Variants in CTNNA3 observed in about 807,000 individuals in gnomAD.
CTNNA3 encodes catenin alpha 3, also known as catenin alpha-3.
CTNNA3 carries 76 observed loss-of-function variants against 95.7 expected under a neutral mutation model. The ratio of observed to expected loss-of-function variants is 0.79; its 90% CI spans 0.66 to 0.96. CTNNA3 has a LOEUF of 0.96. Ranked by LOEUF, CTNNA3 falls within the 40% of genes least tolerant of loss-of-function variation. The pLI is 0.00. For missense variants in CTNNA3, 1,191 were observed against 1,089.8 expected (o/e 1.09, Z -1.31); for synonymous variants, 431 against 374.4 (o/e 1.15, Z -1.74).
rs1270920235 is a variant in CTNNA3 at position 66,593,170 on chromosome 10, A to G, written c.1374+28522T>C. Among the ~76,000 whole-genome samples the G allele has an allele frequency of 2.0e-5, 3 of 152,276 alleles. No individual in the cohort carries two copies. The East Asian group carries it at 5.8e-4, about 29-fold the overall frequency. ...GAATTTATTAGAAAAGCCAATTCAT[A>G]GGATCTTGCTTAGACATACTGAATT... On this transcript the variant is annotated intron_variant, in intron 10 of 17. Coordinates refer to ENST00000433211, the MANE Select transcript of CTNNA3 (RefSeq NM_013266.4).
intron 11 of CTNNA3, among the ~76,000 whole-genome samples, chr10:66,461,864 G>A (rs912113145): frequency 2.0e-5 from 3 of 148,822 alleles, no homozygotes; most frequent in African/African-American, 7.5e-5. Context: ...CCAGGCTGGA[G>A]TACAGTGGTG....
chr10:66,899,402 T>C (rs960583879), intron 7 of CTNNA3, among the ~76,000 whole-genome samples: 1 of 152,160 alleles, frequency 6.6e-6, no homozygotes, highest in African/African-American at 2.4e-5. Flanking sequence ...GTTTCCAAGA[T>C]GGCCAAATAG....
chr10:66,129,156 C>T (rs1004633702), intron 13 of CTNNA3, among the ~76,000 whole-genome samples: 5 of 152,016 alleles, frequency 3.3e-5, no homozygotes, highest in East Asian at 1.9e-4. Context: ...CCCAGCTACT[C>T]GGGAGGCTGA....
chr10:66,898,615 T>A (rs2132516637), intron 7 of CTNNA3, among the ~76,000 whole-genome samples: 1 of 152,268 alleles, frequency 6.6e-6, no homozygotes, highest in East Asian at 1.9e-4. Context: ...CAACAAATAA[T>A]GTTGAGGAAA....
intron 5 of CTNNA3, among the ~76,000 whole-genome samples, chr10:67,465,010 T>C (rs1589318301): frequency 6.6e-6 from 1 of 152,106 alleles, no homozygotes; most frequent in South Asian, 2.1e-4. Flanking sequence ...CCTGTGTTTT[T>C]GCTGTCTCTC....
intron 7 of CTNNA3, among the ~76,000 whole-genome samples, chr10:66,798,358 T>C (rs911924268): frequency 6.6e-6 from 1 of 151,366 alleles, no homozygotes; most frequent in Admixed American, 6.6e-5. Flanking sequence ...ATTAATAGGA[T>C]AAGGATAGCT....
At chr10:67,732,898 A>G (rs1841283807) in intron 1 of CTNNA3, among the ~76,000 whole-genome samples, 1 of 117,040 alleles carries the variant, frequency 8.5e-6, no homozygotes, top group African/African-American at 5.8e-5. Flanking sequence ...ACACACACAC[A>G]CACACACACA....
At position 66,381,775 on chromosome 10, in the gene CTNNA3, A is replaced by G. The variant is rs375085244; in HGVS notation, c.1532-2423T>C. Among the ~76,000 whole-genome samples the G allele has an allele frequency of 3.8e-4, 58 of 152,344 alleles. 1 individual carries two copies. The South Asian group carries it at 0.012, about 31-fold the overall frequency. ...CCTAATTTGCAGCATTCAGTTATGA[A>G]TGTATCATTAAGCCCTACAGTAAAT... On this transcript the variant is annotated intron_variant, in intron 11 of 17. Coordinates refer to ENST00000433211, the MANE Select transcript of CTNNA3 (RefSeq NM_013266.4).
chr10:67,424,041 A>G (rs1259925347), intron 5 of CTNNA3, among the ~76,000 whole-genome samples: 2 of 152,142 alleles, frequency 1.3e-5, no homozygotes, highest in African/African-American at 4.8e-5. Flanking sequence ...TACTCAAAAA[A>G]TTACCAGGAC....
At chr10:67,245,566 A>G (rs2132342645) in intron 5 of CTNNA3, among the ~76,000 whole-genome samples, 1 of 152,296 alleles carries the variant, frequency 6.6e-6, no homozygotes, top group Non-Finnish European at 1.5e-5. Flanking sequence ...GCAATAAAAT[A>G]CCAGAGAATT....
chr10:66,355,425 G>T (rs528448994), intron 12 of CTNNA3, among the ~76,000 whole-genome samples: 2 of 151,952 alleles, frequency 1.3e-5, no homozygotes, highest in African/African-American at 4.8e-5. Flanking sequence ...CAGTACCTTC[G>T]ATACATTATA....
At chr10:67,363,298 A>T (rs1843068367) in intron 5 of CTNNA3, among the ~76,000 whole-genome samples, 1 of 152,022 alleles carries the variant, frequency 6.6e-6, no homozygotes, top group Non-Finnish European at 1.5e-5. Context: ...AAAGAGCCCA[A>T]ATAGCCAAAG....
chr10:66,499,351 T>C (rs1244241229), intron 11 of CTNNA3, among the ~76,000 whole-genome samples: 3 of 152,160 alleles, frequency 2.0e-5, no homozygotes, highest in African/African-American at 7.2e-5. Context: ...GCTGAATAAG[T>C]AACAAATAAA....
At chr10:66,241,317 AT>A (rs1432762861) in intron 13 of CTNNA3, among the ~76,000 whole-genome samples, 44 of 152,158 alleles carry the variant, frequency 2.9e-4, no homozygotes, top group Non-Finnish European at 5.3e-4. Context: ...ATGTTTCTAT[AT>A]TTTTTCTAAC....
chr10:67,284,409 T>C (rs1839514259), intron 5 of CTNNA3, among the ~76,000 whole-genome samples: 1 of 152,204 alleles, frequency 6.6e-6, no homozygotes, highest in Admixed American at 6.5e-5. Flanking sequence ...AAAGAATTCA[T>C]GCAACCAAAT....
At position 67,206,345 on chromosome 10, in the gene CTNNA3, T is replaced by G. The variant is rs369233446; in HGVS notation, c.843+13262A>C. On this transcript the variant is annotated intron_variant, in intron 6 of 17. Coordinates refer to ENST00000433211, the MANE Select transcript of CTNNA3 (RefSeq NM_013266.4). ...TGATTGCCTGTGGTATATATCACATTCTGGTTTAATGCTTATCAATTATAA... is the reference window on the plus strand; with the variant it reads ...TGATTGCCTGTGGTATATATCACATGCTGGTTTAATGCTTATCAATTATAA... Among the ~76,000 whole-genome samples the G allele has an allele frequency of 8.5e-5, 13 of 152,300 alleles. No homozygotes were observed. In the East Asian group the frequency reaches 2.1e-3, roughly 25 times the overall value.
At chr10:66,990,525 A>T (rs1201386082) in intron 7 of CTNNA3, among the ~76,000 whole-genome samples, 1 of 152,160 alleles carries the variant, frequency 6.6e-6, no homozygotes, top group African/African-American at 2.4e-5. Flanking sequence ...CTAGAGAATT[A>T]TGGAAAAAAC....
chr10:67,695,351 G>A (rs1458385342), intron 1 of CTNNA3, among the ~76,000 whole-genome samples: 4 of 152,202 alleles, frequency 2.6e-5, no homozygotes. Flanking sequence ...ACTGACAGCA[G>A]CTGCTCACAA....
At chr10:66,054,649 TA>T (rs1205679733) in intron 15 of CTNNA3, among the ~76,000 whole-genome samples, 2 of 152,178 alleles carry the variant, frequency 1.3e-5, no homozygotes, top group Admixed American at 1.3e-4. Context: ...CATTGGCAAA[TA>T]TTTTTTTCCA....
Sources: allele counts gnomAD v4.1 joint callset (sites outside exome capture counted in the v4.1 genomes callset), GRCh38; gene constraint gnomAD v4.1.1; transcripts MANE v1.5; gene names NCBI Gene and HGNC (gene_info 2026-07-23, HGNC 2026-07-21).